The following CRIPTO3 variants were observed in gnomAD, a reference collection of about 807,000 sequenced individuals.
CRIPTO3 encodes cripto, EGF-CFC family member 3.
the CRIPTO3 span, chrX:110,520,987 C>A: frequency 3.4e-6 from 2 of 594,484 alleles, no homozygotes; most frequent in Non-Finnish European, 2.9e-6. Flanking sequence ...CTGCTACGAC[C>A]TTCTGGGGAA....
At chrX:110,522,980 C>T in the CRIPTO3 span, 5 of 108,681 alleles carry the variant, frequency 4.6e-5, no homozygotes, top group East Asian at 1.4e-3. Flanking sequence ...CTTCAGAGTT[C>T]CAAAGAAGGG....
chrX:110,521,184 A>G, the CRIPTO3 span: 7 of 1,121,885 alleles, frequency 6.2e-6, no homozygotes, highest in Middle Eastern at 2.6e-4. Context: ...GATCATGGCC[A>G]TTTCTAAAGC....
the CRIPTO3 span, chrX:110,521,217 G>A: frequency 8.7e-7 from 1 of 1,147,316 alleles, no homozygotes; most frequent in East Asian, 3.0e-5. Flanking sequence ...ATTAGTTGCC[G>A]GGCTGGGCCA....
chrX:110,522,494 G>A, the CRIPTO3 span: 2 of 111,034 alleles, frequency 1.8e-5, no homozygotes, highest in African/African-American at 6.6e-5. Context: ...TGTGCAGGGA[G>A]ACTGGGTAGG....
chrX:110,522,069 C>T, the CRIPTO3 span: 41 of 363,361 alleles, frequency 1.1e-4, no homozygotes, highest in Admixed American at 2.0e-3. Context: ...CATTCTCCTG[C>T]CTCAGCCTCC....
chrX:110,522,124 T>A, the CRIPTO3 span: 1 of 302,696 alleles, frequency 3.3e-6, no homozygotes, highest in Non-Finnish European at 5.7e-6. Flanking sequence ...CCCGGCTAAT[T>A]TTTTTTGTAT....
the CRIPTO3 span, chrX:110,522,510 G>C: frequency 9.0e-6 from 1 of 110,877 alleles, no homozygotes; most frequent in Non-Finnish European, 1.9e-5. Flanking sequence ...GTAGGAAAGA[G>C]GAAGCAAATA....
the CRIPTO3 span, chrX:110,522,190 C>T: frequency 1.9e-4 from 40 of 211,265 alleles, no homozygotes; most frequent in Non-Finnish European, 3.1e-4. Flanking sequence ...GAACTCCTGA[C>T]CTTGTGATCC....
chrX:110,522,509 A>G, the CRIPTO3 span: 1 of 111,131 alleles, frequency 9.0e-6, no homozygotes, highest in African/African-American at 3.3e-5. Flanking sequence ...GGTAGGAAAG[A>G]GGAAGCAAAT....
chrX:110,521,009 C>T, the CRIPTO3 span: 1 of 682,855 alleles, frequency 1.5e-6, no homozygotes, highest in African/African-American at 2.1e-5. Flanking sequence ...GCGAATTTCT[C>T]ATTTTCTTCT....
chrX:110,521,353 G>C, the CRIPTO3 span: 18 of 1,209,672 alleles, frequency 1.5e-5, no homozygotes, highest in African/African-American at 3.1e-4. Flanking sequence ...ATACAGCACA[G>C]TAAGGAGCTA....
the CRIPTO3 span, chrX:110,520,979 G>C: frequency 1.8e-6 from 1 of 562,077 alleles, no homozygotes; most frequent in African/African-American, 2.2e-5. Flanking sequence ...TCCTGCTTCT[G>C]CTACGACCTT....
chrX:110,522,051 G>A, the CRIPTO3 span: 2 of 375,290 alleles, frequency 5.3e-6, no homozygotes, highest in African/African-American at 2.6e-5. Flanking sequence ...CGCATCCGGG[G>A]TTCAAGCCAT....
chrX:110,521,960 T>C, the CRIPTO3 span: 1 of 435,822 alleles, frequency 2.3e-6, no homozygotes, highest in Admixed American at 4.1e-5. Flanking sequence ...GTCCAGTGTT[T>C]CTTTTTTTTT....
the CRIPTO3 span, chrX:110,521,908 C>A: frequency 6.7e-6 from 3 of 445,146 alleles, no homozygotes; most frequent in Middle Eastern, 6.1e-4. Context: ...AAAACTACTT[C>A]TTTTTTCAAA....
At chrX:110,522,147 C>CG in the CRIPTO3 span, 1 of 271,314 alleles carries the variant, frequency 3.7e-6, no homozygotes. Flanking sequence ...TTAGTAGAGA[C>CG]GGGGGTTTCA....
chrX:110,522,723 A>G, the CRIPTO3 span: 1 of 111,470 alleles, frequency 9.0e-6, no homozygotes, highest in Non-Finnish European at 1.9e-5. Flanking sequence ...CAATGTCCCC[A>G]ACAAGATTGC....
the CRIPTO3 span, chrX:110,522,684 G>A: frequency 9.0e-6 from 1 of 111,039 alleles, no homozygotes; most frequent in Non-Finnish European, 1.9e-5. Context: ...TAAAAAGAAT[G>A]AAGTCTCCTT....
chrX:110,521,196 T>C, the CRIPTO3 span: 1 of 1,126,863 alleles, frequency 8.9e-7, no homozygotes, highest in Admixed American at 2.2e-5. Context: ...TTCTAAAGCC[T>C]TTGAACTGGG....
Sources: gnomAD v4.1 joint callset for allele counts on GRCh38, gnomAD v4.1.1 for gene constraint, MANE v1.5 for transcripts, NCBI Gene and HGNC (gene_info 2026-07-23, HGNC 2026-07-21) for gene names.